Variants in PTPRN2 observed in about 807,000 individuals in gnomAD.
PTPRN2 encodes protein tyrosine phosphatase receptor type N2, also known as receptor-type tyrosine-protein phosphatase N2.
A neutral mutation model predicts 118.8 loss-of-function variants in PTPRN2; 74 were observed. The observed-to-expected ratio is 0.62, with a 90% CI of 0.52 to 0.76. PTPRN2 has a LOEUF of 0.76. Ranked by LOEUF, PTPRN2 falls within the 30% of genes least tolerant of loss-of-function variation. The pLI is 0.00. For missense variants in PTPRN2, 1,481 were observed against 1,394.4 expected (o/e 1.06, Z -0.99); for synonymous variants, 641 against 608.0 (o/e 1.05, Z -0.80).
rs562386450 is a variant in PTPRN2 at position 157,690,824 on chromosome 7, T to C, written c.1789-7887A>G. On this transcript the variant is annotated intron_variant, in intron 12 of 22. Transcript: ENST00000389418. This position sits in a 1 kb window ranked among gnomAD's most constrained non-coding sequence, Gnocchi z 7.1. ...TCGGAGCCCGCAGGCGCCGGAGCTC[T>C]GCGCGGCCGCTCGGCCCAGCTCCGC... is the stretch of plus-strand genomic sequence containing the variant. Among the ~76,000 whole-genome samples, 464 of 148,648 alleles carry C rather than the reference T, an allele frequency of 3.1e-3. 1 individual carries two copies. The highest frequency in any genetic ancestry group is 6.0e-3 in the Admixed American group (90 of 15,012).
intron 12 of PTPRN2, among the ~76,000 whole-genome samples, chr7:157,684,814 C>T (rs955120632): frequency 5.3e-5 from 8 of 151,980 alleles, no homozygotes; most frequent in African/African-American, 1.9e-4. Context: ...CGCGCGGGCG[C>T]TGGTTCTCCC....
chr7:158,166,300 CT>C (rs1431218554), intron 6 of PTPRN2, among the ~76,000 whole-genome samples: 367 of 18,544 alleles, frequency 0.02, 4 homozygotes, highest in African/African-American at 0.027. Context: ...GGATCATCTC[CT>C]CCTCCCCCCC....
intron 11 of PTPRN2, among the ~76,000 whole-genome samples, chr7:158,075,614 C>G (rs1340173000): frequency 2.0e-5 from 3 of 152,370 alleles, no homozygotes; most frequent in African/African-American, 7.2e-5. Flanking sequence ...ACTTCTTCAT[C>G]TTTTTCTCTT....
At chr7:157,945,335 C>T (rs949122258) in intron 11 of PTPRN2, among the ~76,000 whole-genome samples, 1 of 152,092 alleles carries the variant, frequency 6.6e-6, no homozygotes, top group Non-Finnish European at 1.5e-5. Flanking sequence ...TCCCGGCCAA[C>T]CCCCATGGGC....
intron 11 of PTPRN2, among the ~76,000 whole-genome samples, chr7:157,976,000 G>T (rs1035617426): frequency 5.9e-5 from 9 of 152,216 alleles, no homozygotes; most frequent in African/African-American, 2.2e-4. Flanking sequence ...CTTCTGTCGA[G>T]GATGGCAGAG....
In PTPRN2 at chr7:157,787,118, G is replaced by A. The variant is rs1291176572; in HGVS notation, c.1789-104181C>T. Among the ~76,000 whole-genome samples, 3 of 139,044 alleles carry A rather than the reference G, an allele frequency of 2.2e-5. No individual in the cohort carries two copies. The highest frequency in any genetic ancestry group is 3.2e-5 in the Non-Finnish European group (2 of 63,246). 91.2% of individuals were successfully genotyped at this position (139,044 alleles called of 152,430 possible). A position where few individuals can be genotyped will look rare whatever the true frequency, so the allele number is the denominator to read the frequency against. ...CTGCCCGGGAGGCGGACGCGGGTGC[G>A]GCGGGGGACGCGGGGGTGGCTGCCC... On this transcript the variant is annotated intron_variant, in intron 12 of 22. Coordinates refer to ENST00000389418, the MANE Select transcript of PTPRN2 (RefSeq NM_002847.5). This position sits in a 1 kb window ranked among gnomAD's most constrained non-coding sequence, Gnocchi z 5.3.
intron 11 of PTPRN2, among the ~76,000 whole-genome samples, chr7:157,912,055 C>T (rs1447815740): frequency 1.3e-5 from 2 of 152,184 alleles, no homozygotes; most frequent in Admixed American, 6.5e-5. Context: ...CATGAACCTT[C>T]TCACACGTGT....
chr7:158,342,740 G>A (rs1021450548), intron 2 of PTPRN2, among the ~76,000 whole-genome samples: 45 of 152,230 alleles, frequency 3.0e-4, no homozygotes, highest in Admixed American at 1.1e-3. Context: ...GTGCCTTGCT[G>A]GAGCCCATAG....
chr7:157,604,784 G>A lies in PTPRN2; in HGVS notation c.2345-709C>T, dbSNP rs544730296. 1.7e-4 allele frequency among the ~76,000 whole-genome samples: 26 copies of A among 152,324 alleles called. No homozygotes were observed. In the South Asian group the frequency reaches 5.0e-3, roughly 29 times the overall value. On this transcript the variant is annotated intron_variant, in intron 15 of 22. Coordinates refer to ENST00000389418, the MANE Select transcript of PTPRN2 (RefSeq NM_002847.5). ...GACGGCTGCTGAAGCCGGGCGCAGCGGGGGGACAGTAGGCACTTGTGACGT... is the reference window on the plus strand; with the variant it reads ...GACGGCTGCTGAAGCCGGGCGCAGCAGGGGGACAGTAGGCACTTGTGACGT...
chr7:158,198,949 A>C (rs1826420443), intron 4 of PTPRN2, among the ~76,000 whole-genome samples: 1 of 144,442 alleles, frequency 6.9e-6, no homozygotes, highest in South Asian at 2.3e-4. Flanking sequence ...CTGGCTTCTC[A>C]GGTCCTCCTT....
chr7:157,683,357 G>A (rs7783225), intron 12 of PTPRN2, among the ~76,000 whole-genome samples: 1 of 152,228 alleles, frequency 6.6e-6, no homozygotes, highest in African/African-American at 2.4e-5. Flanking sequence ...AGGGTGGGCA[G>A]GCCCGGAGCC....
chr7:158,584,103 T>C (rs763577386), intron 1 of PTPRN2, among the ~76,000 whole-genome samples: 15 of 152,200 alleles, frequency 9.9e-5, no homozygotes, highest in Non-Finnish European at 1.9e-4. Flanking sequence ...CAATCTCCTG[T>C]CTTCACAGCC....
intron 1 of PTPRN2, among the ~76,000 whole-genome samples, chr7:158,490,074 G>A (rs1563352282): frequency 1.3e-5 from 2 of 152,180 alleles, no homozygotes; most frequent in Admixed American, 6.5e-5. Context: ...GAGACTCTCT[G>A]GCCGCGGGAG....
chr7:158,552,514 A>G (rs1420365152), intron 1 of PTPRN2, among the ~76,000 whole-genome samples: 1 of 152,136 alleles, frequency 6.6e-6, no homozygotes, highest in Admixed American at 6.5e-5. Flanking sequence ...CACTGATGCA[A>G]TCTCAGCTCA....
chr7:158,568,443 C>T, intron 1 of PTPRN2, among the ~76,000 whole-genome samples: 1 of 151,270 alleles, frequency 6.6e-6, no homozygotes, highest in East Asian at 1.9e-4. Context: ...CTTTTGGAGA[C>T]CTTGGTTTGG....
intron 10 of PTPRN2, among the ~76,000 whole-genome samples, chr7:158,100,465 A>C (rs917940972): frequency 1.3e-5 from 2 of 152,184 alleles, no homozygotes; most frequent in Non-Finnish European, 2.9e-5. Context: ...TAGTTCTTTA[A>C]GGAATCTCCA....
chr7:158,074,453 C>A (rs1209670675), intron 11 of PTPRN2, among the ~76,000 whole-genome samples: 1 of 152,216 alleles, frequency 6.6e-6, no homozygotes, highest in African/African-American at 2.4e-5. Context: ...CTTCAAAACT[C>A]TCACTCATGT....
intron 11 of PTPRN2, among the ~76,000 whole-genome samples, chr7:157,924,087 G>A (rs928676369): frequency 1.3e-5 from 2 of 152,138 alleles, no homozygotes; most frequent in African/African-American, 4.8e-5. Context: ...GTCACGCTGG[G>A]GAGCTGGAGG....
chr7:157,872,818 G>A (rs927920421), intron 12 of PTPRN2, among the ~76,000 whole-genome samples: 8 of 152,210 alleles, frequency 5.3e-5, no homozygotes, highest in African/African-American at 9.7e-5. Flanking sequence ...GCTTCCTGGC[G>A]GGGTAGAGGG....
Sources: gnomAD v4.1 joint callset for allele counts (sites outside exome capture counted in the v4.1 genomes callset) on GRCh38, gnomAD v4.1.1 for gene constraint, Gnocchi (gnomAD v3.1) non-coding constraint, MANE v1.5 for transcripts, NCBI Gene and HGNC (gene_info 2026-07-23, HGNC 2026-07-21) for gene names.